The following IQGAP2 variants were observed in gnomAD, a reference collection of about 807,000 sequenced individuals.
IQGAP2 encodes the protein IQ motif containing GTPase activating protein 2.
Under a neutral mutation model 201.3 loss-of-function variants are expected in IQGAP2, and 173 were observed. The ratio of observed to expected loss-of-function variants is 0.86; its 90% CI spans 0.76 to 0.98. IQGAP2 has a LOEUF of 0.98. Among genes scored for constraint, IQGAP2 ranks in the 50% least tolerant of loss-of-function variants. IQGAP2 has a pLI of 0.00. For missense variants in IQGAP2, 1,687 were observed against 1,864.8 expected (o/e 0.90, Z 1.76); for synonymous variants, 675 against 673.9 (o/e 1.00, Z -0.03).
rs528085372 is a variant in IQGAP2, at chr5:76,622,577, G to A, written c.1522-4833G>A. On this transcript the variant is annotated intron_variant, in intron 13 of 35. Transcript: ENST00000274364. Reference sequence around the variant, plus strand: ...AGGTTTCAGGCTAACATTGTGATGGGTAAAGTGGAAAGTACATTCAAAGTT... The same window carrying A: ...AGGTTTCAGGCTAACATTGTGATGGATAAAGTGGAAAGTACATTCAAAGTT... Among the ~76,000 whole-genome samples the A allele has an allele frequency of 8.5e-5, 13 of 152,300 alleles. No homozygotes were observed. In the South Asian group the frequency reaches 2.7e-3, roughly 32 times the overall value.
chr5:76,601,080 GTTTCTTGAAAACTAGTCTGT>G, intron 11 of IQGAP2, 108 bp downstream of exon 11: 2 of 1,064,062 alleles, frequency 1.9e-6, no homozygotes, highest in South Asian at 3.2e-5. Flanking sequence ...CCATGCTCAT[GTTTCTTGAAAACTAGTCTGT>G]TTTAAGAGTC....
chr5:76,562,175 G>A (rs1449793653), intron 2 of IQGAP2, among the ~76,000 whole-genome samples: 1 of 152,174 alleles, frequency 6.6e-6, no homozygotes. Context: ...TCTGGCATGG[G>A]AGTGAGCTCA....
chr5:76,704,277 A>G (rs1747683233), intron 35 of IQGAP2, among the ~76,000 whole-genome samples: 1 of 152,216 alleles, frequency 6.6e-6, no homozygotes, highest in Non-Finnish European at 1.5e-5. Flanking sequence ...AGCAAAAGAC[A>G]TATGTGATTG....
chr5:76,699,029 T>C (rs13175585), intron 33 of IQGAP2, among the ~76,000 whole-genome samples: 49,898 of 151,930 alleles, frequency 0.33, 8,333 homozygotes, highest in Non-Finnish European at 0.35. Flanking sequence ...GTGCAATACA[T>C]TATTATTAGC....
chr5:76,595,798 G>GAA (rs1317919238), intron 9 of IQGAP2, among the ~76,000 whole-genome samples: 4 of 150,484 alleles, frequency 2.7e-5, no homozygotes, highest in Non-Finnish European at 5.9e-5. Context: ...GAGAGAGAGA[G>GAA]AAAACAGTGT....
Position 76,695,644 on chromosome 5 carries a change from A to G in IQGAP2, c.4184A>G (p.Asp1395Gly). ...GHVSSENKYQ[D>G]ILNEIAKDIR... The stretch of plus-strand genomic sequence containing the variant: ...GTGTCATCCGAAAATAAATACCAAG[A>G]CATTCTCAATGAGATTGCCAAGGTT... Residue 1395 changes from aspartate (D) to glycine (G), a missense_variant, in exon 32 of 36, where the codon GAC (aspartate) becomes GGC (glycine). Coordinates refer to ENST00000274364, the MANE Select transcript of IQGAP2 (RefSeq NM_006633.5). The G allele has an allele frequency of 6.2e-7, 1 of 1,613,960 alleles. No homozygotes were observed. Among genetic ancestry groups the G allele is most frequent in the African/African-American group, 1.3e-5 (1 of 75,010 alleles).
intron 35 of IQGAP2, among the ~76,000 whole-genome samples, chr5:76,706,408 T>G (rs893257378): frequency 5.3e-5 from 8 of 152,284 alleles, no homozygotes; most frequent in African/African-American, 1.9e-4. Flanking sequence ...AGTACAGCAG[T>G]GCAATCTCGG....
intron 1 of IQGAP2, among the ~76,000 whole-genome samples, chr5:76,426,448 A>G (rs1269518776): frequency 6.6e-6 from 1 of 152,192 alleles, no homozygotes. Context: ...AAGGGAAACC[A>G]AACAGTTGGA....
At chr5:76,663,719 G>A (rs1200201263) in intron 21 of IQGAP2, among the ~76,000 whole-genome samples, 1 of 125,484 alleles carries the variant, frequency 8.0e-6, no homozygotes, top group African/African-American at 2.9e-5. Context: ...AATTTGTAGA[G>A]ATGGGGTCTT....
At chr5:76,606,105 G>A (rs186335744) in intron 11 of IQGAP2, 74 bp from the exon 12 acceptor site, 1 of 1,303,792 alleles carries the variant, frequency 7.7e-7, no homozygotes, top group East Asian at 2.4e-5. Flanking sequence ...TTGACCATGT[G>A]TCATAGTTGA....
chr5:76,468,682 C>T (rs1483823065), intron 2 of IQGAP2, among the ~76,000 whole-genome samples: 2 of 152,202 alleles, frequency 1.3e-5, no homozygotes, highest in South Asian at 4.1e-4. Context: ...TACTTGGCCT[C>T]ATAGGCTCTG....
chr5:76,414,024 A>G (rs1751280680), intron 1 of IQGAP2, among the ~76,000 whole-genome samples: 1 of 152,208 alleles, frequency 6.6e-6, no homozygotes, highest in African/African-American at 2.4e-5. Flanking sequence ...AAGCTCAGTG[A>G]AGCTCAGCTG....
At chr5:76,654,603 G>A (rs891573169) in intron 19 of IQGAP2, among the ~76,000 whole-genome samples, 1 of 152,186 alleles carries the variant, frequency 6.6e-6, no homozygotes, top group Non-Finnish European at 1.5e-5. Context: ...TTAAATAGAA[G>A]CCCCTGGGAG....
rs35291690 is a variant in IQGAP2, at chr5:76,589,311, CAA to C, written c.527-284_527-283del. On this transcript the variant is annotated intron_variant, in intron 6 of 35. Transcript: ENST00000274364. ...TGGACGACAGAGCGAGACTCTGCCT[CAA>C]AAAAAAAAAAAAAAAAAAATTACCA... Among the ~76,000 whole-genome samples, 1,041 of 106,778 alleles carry C rather than the reference CAA, an allele frequency of 9.7e-3. 7 individuals carry two copies. The highest frequency in any genetic ancestry group is 0.022 in the African/African-American group (628 of 28,418). The allele number at this position is 106,778 out of a possible 152,430, so 70.1% of individuals were successfully genotyped here.
intron 30 of IQGAP2, among the ~76,000 whole-genome samples, chr5:76,690,331 T>G (rs1746153090): frequency 6.6e-6 from 1 of 152,172 alleles, no homozygotes; most frequent in African/African-American, 2.4e-5. Context: ...GAAGAGGGGA[T>G]AGAGGAACAC....
intron 1 of IQGAP2, among the ~76,000 whole-genome samples, chr5:76,406,635 T>C (rs1246627353): frequency 6.6e-6 from 1 of 152,278 alleles, no homozygotes; most frequent in Non-Finnish European, 1.5e-5. Context: ...AAATTAATTC[T>C]GAAAACACAT....
chr5:76,509,984 C>CTTTTTTTT (rs11331690), intron 2 of IQGAP2, among the ~76,000 whole-genome samples: 26 of 137,990 alleles, frequency 1.9e-4, no homozygotes, highest in African/African-American at 3.8e-4. Context: ...AATTTTCTTT[C>CTTTTTTTT]TTTTTTTTTT....
At chr5:76,470,150 C>T (rs2150134113) in intron 2 of IQGAP2, among the ~76,000 whole-genome samples, 1 of 152,286 alleles carries the variant, frequency 6.6e-6, no homozygotes, top group Non-Finnish European at 1.5e-5. Flanking sequence ...AGAGTCTTCC[C>T]TCAGTTGCTC....
intron 2 of IQGAP2, among the ~76,000 whole-genome samples, chr5:76,493,159 G>A (rs1239549583): frequency 6.6e-6 from 1 of 151,988 alleles, no homozygotes; most frequent in Non-Finnish European, 1.5e-5. Context: ...GGCAGCCAGG[G>A]TGATCCATTT....
Sources: gnomAD v4.1 joint callset for allele counts (sites outside exome capture counted in the v4.1 genomes callset) on GRCh38, gnomAD v4.1.1 for gene constraint, MANE v1.5 for transcripts, NCBI Gene and HGNC (gene_info 2026-07-23, HGNC 2026-07-21) for gene names.